TMTC2: variants seen among roughly 807,000 people sequenced by gnomAD.
TMTC2 encodes transmembrane O-mannosyltransferase targeting cadherins 2.
Under a neutral mutation model 82.4 loss-of-function variants are expected in TMTC2, and 43 were observed. The ratio of observed to expected loss-of-function variants is 0.52; its 90% CI spans 0.41 to 0.67. TMTC2 has a LOEUF of 0.67. Ranked by LOEUF, TMTC2 falls within the 30% of genes least tolerant of loss-of-function variation. The probability of loss-of-function intolerance (pLI) is 0.00; values close to 1 mark genes in which losing one functional copy is unlikely to be tolerated. For missense variants in TMTC2, 919 were observed against 1,012.4 expected, an observed-to-expected ratio of 0.91 and a Z score of 1.25; for synonymous variants, 408 against 381.9, an observed-to-expected ratio of 1.07 and a Z score of -0.80.
chr12:83,111,497 G>T (rs1164149626), intron 11 of TMTC2, among the ~76,000 whole-genome samples: 1 of 152,142 alleles, frequency 6.6e-6, no homozygotes, highest in Non-Finnish European at 1.5e-5. Flanking sequence ...TCTTTTGAGG[G>T]TTTTCACTCA....
chr12:82,873,403 C>T (rs1872317393), intron 2 of TMTC2, among the ~76,000 whole-genome samples: 1 of 152,024 alleles, frequency 6.6e-6, no homozygotes, highest in Non-Finnish European at 1.5e-5. Flanking sequence ...CAAATTGGCA[C>T]TGAAGTTTGA....
intron 4 of TMTC2, among the ~76,000 whole-genome samples, chr12:82,943,763 G>T (rs1233785351): frequency 6.6e-6 from 1 of 152,124 alleles, no homozygotes; most frequent in Non-Finnish European, 1.5e-5. Flanking sequence ...TGGAAATAAG[G>T]ATCCATTAAT....
At chr12:82,876,074 G>GGTGGT (rs1872522602) in intron 2 of TMTC2, among the ~76,000 whole-genome samples, 1 of 116,380 alleles carries the variant, frequency 8.6e-6, no homozygotes, top group African/African-American at 4.2e-5. Flanking sequence ...TGGTGATGAT[G>GGTGGT]ATGATGGTGA....
At chr12:82,781,264 G>A (rs140419065) in intron 1 of TMTC2, among the ~76,000 whole-genome samples, 70 of 152,058 alleles carry the variant, frequency 4.6e-4, no homozygotes, top group African/African-American at 1.6e-3. Flanking sequence ...TCAAATTTCT[G>A]CAATTATCTT....
At chr12:82,995,325 T>TACAC (rs1216062161) in intron 8 of TMTC2, among the ~76,000 whole-genome samples, 1 of 65,080 alleles carries the variant, frequency 1.5e-5, no homozygotes, top group African/African-American at 4.0e-5. Context: ...CATTTGGTTA[T>TACAC]ACACACACAC....
chr12:82,838,224 G>T (rs1870153534), intron 1 of TMTC2, among the ~76,000 whole-genome samples: 2 of 152,286 alleles, frequency 1.3e-5, no homozygotes, highest in East Asian at 3.9e-4. Context: ...TCAGTGTCAT[G>T]TCATCAACAC....
chr12:82,963,832 T>TC (rs1213496068), intron 4 of TMTC2, among the ~76,000 whole-genome samples: 2 of 100,298 alleles, frequency 2.0e-5, no homozygotes, highest in African/African-American at 1.1e-4. Flanking sequence ...TATATATATA[T>TC]ATATATATAT....
intron 1 of TMTC2, among the ~76,000 whole-genome samples, chr12:82,704,899 A>G (rs1447604561): frequency 6.6e-6 from 1 of 152,248 alleles, no homozygotes; most frequent in African/African-American, 2.4e-5. Context: ...GCATGTTTAT[A>G]GCGGCACAAT....
At chr12:82,950,387 G>C (rs935503212) in intron 4 of TMTC2, among the ~76,000 whole-genome samples, 1 of 152,134 alleles carries the variant, frequency 6.6e-6, no homozygotes, top group Non-Finnish European at 1.5e-5. Context: ...AGAAAATGTA[G>C]TCTTAGTTAT....
chr12:82,740,831 A>AG (rs777241302), intron 1 of TMTC2, among the ~76,000 whole-genome samples: 2 of 152,182 alleles, frequency 1.3e-5, no homozygotes, highest in African/African-American at 2.4e-5. Context: ...ACCTGCTCTC[A>AG]GAAGGGGAAG....
chr12:82,827,875 T>TTTTTCTTTTTTCG (rs1384023656), intron 1 of TMTC2, among the ~76,000 whole-genome samples: 2 of 151,396 alleles, frequency 1.3e-5, no homozygotes, highest in Non-Finnish European at 2.9e-5. Context: ...TTTTTTTTTC[T>TTTTTCTTTTTTCG]TTTTCTTTTT....
At position 83,007,903 on chromosome 12, in the gene TMTC2, AG is replaced by A. The variant is rs377744902; in HGVS notation, c.2070+21858del. On this transcript the variant is annotated intron_variant, in intron 8 of 11. Transcript: ENST00000321196. ...ATAGTTTCACTGGATATAAAATTCT[AG>A]ATTTGTGGGGTTGTTTTTCAGTGTT... 4.0e-3 allele frequency among the ~76,000 whole-genome samples: 605 copies of A among 152,256 alleles called. 4 individuals are homozygous for A. The highest frequency in any genetic ancestry group is 0.014 in the African/African-American group (581 of 41,546).
intron 2 of TMTC2, among the ~76,000 whole-genome samples, chr12:82,859,801 G>A (rs764034637): frequency 2.0e-5 from 3 of 152,136 alleles, no homozygotes; most frequent in African/African-American, 7.2e-5. Context: ...AGACTCTCTT[G>A]GCGACCACCA....
chr12:82,874,231 G>C (rs867351279), intron 2 of TMTC2, among the ~76,000 whole-genome samples: 5 of 152,178 alleles, frequency 3.3e-5, no homozygotes, highest in Admixed American at 1.3e-4. Context: ...AAACCCTGCA[G>C]TTCTAATCAG....
chr12:82,703,486 G>T (rs1017473393), intron 1 of TMTC2, among the ~76,000 whole-genome samples: 1 of 149,880 alleles, frequency 6.7e-6, no homozygotes, highest in Non-Finnish European at 1.5e-5. Flanking sequence ...ATGGAAGATA[G>T]ATAGTTTCTT....
intron 8 of TMTC2, among the ~76,000 whole-genome samples, chr12:82,988,003 C>G (rs1458333730): frequency 6.6e-6 from 1 of 152,178 alleles, no homozygotes; most frequent in Non-Finnish European, 1.5e-5. Context: ...CTACTAAAAA[C>G]TTTTGCTGAA....
intron 1 of TMTC2, among the ~76,000 whole-genome samples, chr12:82,698,820 G>A (rs774260403): frequency 2.2e-4 from 33 of 152,148 alleles, no homozygotes; most frequent in Non-Finnish European, 4.0e-4. Context: ...GTGATACCTC[G>A]TCAATTGATC....
At chr12:82,923,017 C>A (rs1389140379) in intron 3 of TMTC2, among the ~76,000 whole-genome samples, 1 of 152,118 alleles carries the variant, frequency 6.6e-6, no homozygotes, top group African/African-American at 2.4e-5. Context: ...GATTGCTAGA[C>A]AGAGGTCCAT....
intron 11 of TMTC2, among the ~76,000 whole-genome samples, chr12:83,074,722 GC>G (rs1883227427): frequency 6.6e-6 from 1 of 152,048 alleles, no homozygotes; most frequent in Admixed American, 6.5e-5. Flanking sequence ...ACACTAAACA[GC>G]CCAGAGTCTG....
Sources: gnomAD v4.1 joint callset for allele counts (sites outside exome capture counted in the v4.1 genomes callset) on GRCh38, gnomAD v4.1.1 for gene constraint, MANE v1.5 for transcripts, NCBI Gene and HGNC (gene_info 2026-07-23, HGNC 2026-07-21) for gene names.